The following LRMDA variants were observed in gnomAD, a reference collection of about 807,000 sequenced individuals.
LRMDA encodes the protein leucine rich melanocyte differentiation associated, also known as leucine-rich melanocyte differentiation-associated protein.
Under a neutral mutation model 29.8 loss-of-function variants are expected in LRMDA, and 18 were observed. The observed-to-expected ratio is 0.60, with a 90% CI of 0.42 to 0.90. The LOEUF is 0.90. Among genes scored for constraint, LRMDA ranks in the 40% least tolerant of loss-of-function variants. The pLI, the probability that LRMDA is intolerant of heterozygous loss-of-function variation, is 0.00. For synonymous variants in LRMDA, 125 were observed against 109.4 expected (o/e 1.14, Z -0.89); for missense variants, 273 against 273.9 (o/e 1.00, Z 0.02).
intron 2 of LRMDA, among the ~76,000 whole-genome samples, chr10:75,459,033 C>T (rs1346923076): frequency 6.7e-6 from 1 of 150,148 alleles, no homozygotes; most frequent in Admixed American, 6.6e-5. Context: ...CTTGTTAGAA[C>T]CTCTTTACAG....
intron 6 of LRMDA, among the ~76,000 whole-genome samples, chr10:76,390,412 T>A (rs894186339): frequency 1.3e-5 from 2 of 151,638 alleles, no homozygotes; most frequent in African/African-American, 4.9e-5. Flanking sequence ...AGCCAAGATG[T>A]GATAAGGCTT....
At chr10:76,526,979 A>G (rs1183236817) in intron 6 of LRMDA, among the ~76,000 whole-genome samples, 1 of 35,366 alleles carries the variant, frequency 2.8e-5, no homozygotes, top group Non-Finnish European at 5.4e-5. Context: ...AGTATAATAA[A>G]ATAAATAAAT....
At chr10:76,486,687 AT>A (rs1842785635) in intron 6 of LRMDA, among the ~76,000 whole-genome samples, 1 of 151,836 alleles carries the variant, frequency 6.6e-6, no homozygotes, top group Non-Finnish European at 1.5e-5. Flanking sequence ...TGTAGTGGGA[AT>A]TTTAAAAAAG....
intron 5 of LRMDA, among the ~76,000 whole-genome samples, chr10:76,079,391 C>T (rs976849351): frequency 1.3e-5 from 2 of 152,144 alleles, no homozygotes; most frequent in Non-Finnish European, 2.9e-5. Context: ...ATGTCATCTG[C>T]CTCCCTCCAG....
chr10:76,117,175 C>T (rs1463828845), intron 5 of LRMDA, among the ~76,000 whole-genome samples: 3 of 152,122 alleles, frequency 2.0e-5, no homozygotes, highest in Non-Finnish European at 2.9e-5. Flanking sequence ...CAACTGTGGA[C>T]TTAATGGCAA....
chr10:76,421,764 T>G (rs2132521225), intron 6 of LRMDA, among the ~76,000 whole-genome samples: 2 of 152,358 alleles, frequency 1.3e-5, no homozygotes, highest in South Asian at 4.1e-4. Flanking sequence ...AACTCCAATA[T>G]CCATTTCTTT....
At chr10:75,447,937 A>G (rs899170502) in intron 2 of LRMDA, among the ~76,000 whole-genome samples, 3 of 152,134 alleles carry the variant, frequency 2.0e-5, no homozygotes, top group Admixed American at 6.5e-5. Context: ...GAAGAGCACT[A>G]AGGCAGCAGG....
In LRMDA at chr10:76,284,684, C is replaced by A. The variant is rs192776568; in HGVS notation, c.517-39717C>A. On this transcript the variant is annotated intron_variant, in intron 5 of 6. Transcript: ENST00000611255. ...TGATATGGTTTGACTGTGTCCCACC[C>A]AAATCTCATCTTGAATTGTGGCTCC... Among the ~76,000 whole-genome samples the A allele has an allele frequency of 3.1e-3, 474 of 152,218 alleles. 2 individuals carry two copies. The highest frequency in any genetic ancestry group is 0.011 in the African/African-American group (447 of 41,540).
intron 6 of LRMDA, among the ~76,000 whole-genome samples, chr10:76,445,928 T>C (rs773234099): frequency 1.3e-5 from 2 of 152,240 alleles, no homozygotes; most frequent in Non-Finnish European, 2.9e-5. Context: ...CTTCAGATCA[T>C]TTTTATTATT....
At chr10:75,613,659 G>A (rs1484780193) in intron 2 of LRMDA, among the ~76,000 whole-genome samples, 1 of 152,116 alleles carries the variant, frequency 6.6e-6, no homozygotes, top group Non-Finnish European at 1.5e-5. Context: ...GATTTCTTAT[G>A]CAAAATGGGT....
intron 2 of LRMDA, among the ~76,000 whole-genome samples, chr10:75,995,276 C>G (rs1384898934): frequency 1.3e-5 from 2 of 152,196 alleles, no homozygotes; most frequent in Non-Finnish European, 2.9e-5. Flanking sequence ...GAAGTACTTG[C>G]AGCTGCATTC....
chr10:75,548,547 A>G (rs1264949977), intron 2 of LRMDA, among the ~76,000 whole-genome samples: 7 of 152,118 alleles, frequency 4.6e-5, no homozygotes, highest in Admixed American at 4.6e-4. Context: ...AATGAGGGGT[A>G]GTTCCTATTT....
chr10:75,643,135 T>G (rs902905460), intron 2 of LRMDA: 2 of 152,140 alleles, frequency 1.3e-5, no homozygotes, highest in African/African-American at 4.8e-5. Flanking sequence ...TCTTAACACT[T>G]TTTTTTAAAC....
chr10:75,517,475 G>C (rs1388163765), intron 2 of LRMDA, among the ~76,000 whole-genome samples: 2 of 152,106 alleles, frequency 1.3e-5, no homozygotes, highest in Non-Finnish European at 2.9e-5. Flanking sequence ...GTGAATGGGA[G>C]TTCATTCATG....
intron 2 of LRMDA, among the ~76,000 whole-genome samples, chr10:75,444,095 A>G (rs1844361726): frequency 6.6e-6 from 1 of 152,194 alleles, no homozygotes; most frequent in Non-Finnish European, 1.5e-5. Context: ...AAAGGAGGGT[A>G]GTTATGAACT....
chr10:76,004,807 A>C (rs1334304541), intron 2 of LRMDA, among the ~76,000 whole-genome samples: 1 of 149,124 alleles, frequency 6.7e-6, no homozygotes, highest in Non-Finnish European at 1.5e-5. Context: ...GGCTCACTGC[A>C]AGCTCCGCCT....
chr10:75,546,722 G>A (rs1412040755), intron 2 of LRMDA, among the ~76,000 whole-genome samples: 3 of 151,398 alleles, frequency 2.0e-5, no homozygotes, highest in Admixed American at 2.0e-4. Context: ...ACTGTAGTCC[G>A]GAGAGAAGAC....
At chr10:76,232,416 C>T (rs1852074220) in intron 5 of LRMDA, among the ~76,000 whole-genome samples, 2 of 152,186 alleles carry the variant, frequency 1.3e-5, no homozygotes, top group Non-Finnish European at 2.9e-5. Flanking sequence ...CAAAGGTGAA[C>T]ACCCAGTGAG....
intron 2 of LRMDA, among the ~76,000 whole-genome samples, chr10:75,874,137 G>A (rs1845157870): frequency 6.6e-6 from 1 of 152,168 alleles, no homozygotes; most frequent in Non-Finnish European, 1.5e-5. Context: ...CTTCAATGAA[G>A]GGTACATATG....
Sources: allele counts gnomAD v4.1 joint callset (sites outside exome capture counted in the v4.1 genomes callset), GRCh38; gene constraint gnomAD v4.1.1; transcripts MANE v1.5; gene names NCBI Gene and HGNC (gene_info 2026-07-23, HGNC 2026-07-21).